Variants in DSCAML1 observed in about 807,000 individuals in gnomAD.
DSCAML1 encodes DS cell adhesion molecule like 1, also known as cell adhesion molecule DSCAML1.
Under a neutral mutation model 200.5 loss-of-function variants are expected in DSCAML1, and 38 were observed. The observed-to-expected ratio is 0.19, with a 90% CI of 0.15 to 0.25. The LOEUF is 0.25. Among genes scored for constraint, DSCAML1 ranks in the 10% least tolerant of loss-of-function variants. The pLI, the probability that DSCAML1 is intolerant of heterozygous loss-of-function variation, is 1.00. For missense variants in DSCAML1, 2,223 were observed against 2,858.8 expected, an observed-to-expected ratio of 0.78 and a Z score of 5.07; for synonymous variants, 1,215 against 1,165.0, an observed-to-expected ratio of 1.04 and a Z score of -0.87.
chr11:117,609,804 CT>C (rs2137528226), intron 3 of DSCAML1, among the ~76,000 whole-genome samples: 1 of 152,122 alleles, frequency 6.6e-6, no homozygotes, highest in East Asian at 1.9e-4. Flanking sequence ...TGTAGTTTGC[CT>C]TTTAGCTTTA....
intron 3 of DSCAML1, among the ~76,000 whole-genome samples, chr11:117,702,898 C>T (rs531256523): frequency 1.3e-5 from 2 of 152,296 alleles, no homozygotes; most frequent in East Asian, 3.9e-4. Context: ...TTAAAGGATT[C>T]TTGTGGCTGA....
chr11:117,755,084 G>A (rs543750366), intron 3 of DSCAML1, among the ~76,000 whole-genome samples: 2 of 152,162 alleles, frequency 1.3e-5, no homozygotes, highest in South Asian at 4.2e-4. Flanking sequence ...TGCCCCCAAG[G>A]CCCCCAGCTC....
At chr11:117,565,928 A>G (rs1413487162) in intron 3 of DSCAML1, among the ~76,000 whole-genome samples, 2 of 152,214 alleles carry the variant, frequency 1.3e-5, no homozygotes, top group African/African-American at 4.8e-5. Context: ...AGATGGGCAG[A>G]TATCTCTTGG....
chr11:117,653,161 G>A (rs2052666220), intron 3 of DSCAML1, among the ~76,000 whole-genome samples: 1 of 152,108 alleles, frequency 6.6e-6, no homozygotes, highest in African/African-American at 2.4e-5. Flanking sequence ...AACAAGGAGA[G>A]TCCTCAGCCA....
At chr11:117,562,025 C>G (rs553712392) in intron 3 of DSCAML1, among the ~76,000 whole-genome samples, 9 of 152,270 alleles carry the variant, frequency 5.9e-5, no homozygotes, top group Admixed American at 2.6e-4. Flanking sequence ...GAAGCAGGGG[C>G]AGGGAGGAGG....
chr11:117,793,868 G>A (rs376592899), intron 1 of DSCAML1, among the ~76,000 whole-genome samples: 133 of 152,218 alleles, frequency 8.7e-4, no homozygotes, highest in African/African-American at 3.1e-3. Flanking sequence ...ACGAAGCGTC[G>A]GAAAGGCTTG....
intron 1 of DSCAML1, among the ~76,000 whole-genome samples, chr11:117,816,886 G>A (rs554365398): frequency 1.3e-4 from 20 of 152,200 alleles, no homozygotes; most frequent in Non-Finnish European, 2.5e-4. Flanking sequence ...ACCCTGGACA[G>A]GAGATCAGCC....
In DSCAML1 at chr11:117,471,961, G is replaced by A; in HGVS notation, c.2861C>T (p.Pro954Leu). The stretch of plus-strand genomic sequence containing the variant: ...CATGCGGATGCTGTACACAGATGCC[G>A]GGTGCAAGTCCACAATGTTGGCCTG... ...INQANIVDLHPASVYSIRMYS... is the reference protein window; with the variant it reads ...INQANIVDLHLASVYSIRMYS... The change falls in exon 15 of 33, where the codon CCG becomes CTG. Residue 954 changes from proline to leucine, a missense_variant. This residue lies in a region of DSCAML1 where 438 missense variants were observed against 629.7 expected (regional missense o/e 0.70). Coordinates refer to ENST00000651296, the MANE Select transcript of DSCAML1 (RefSeq NM_020693.4). 3 of 1,614,122 alleles carry A rather than the reference G, an allele frequency of 1.9e-6. No homozygotes were observed. Among genetic ancestry groups the A allele is most frequent in the Non-Finnish European group, 2.5e-6 (3 of 1,180,004 alleles).
chr11:117,771,857 A>G (rs1190065072), intron 3 of DSCAML1, among the ~76,000 whole-genome samples: 1 of 152,200 alleles, frequency 6.6e-6, no homozygotes, highest in African/African-American at 2.4e-5. Context: ...AGGTCTCCAT[A>G]CAGCATAGGT....
intron 3 of DSCAML1, among the ~76,000 whole-genome samples, chr11:117,565,710 T>C (rs1348641039): frequency 2.0e-5 from 3 of 152,190 alleles, no homozygotes; most frequent in African/African-American, 7.2e-5. Context: ...TTGGTGTTTT[T>C]TTCCCCCTCT....
At position 117,717,451 on chromosome 11, in the gene DSCAML1, T is replaced by C. The variant is rs142258353; in HGVS notation, c.511+59340A>G. Among the ~76,000 whole-genome samples the C allele has an allele frequency of 1.8e-3, 275 of 152,294 alleles. 1 individual carries two copies. The highest frequency in any genetic ancestry group is 6.3e-3 in the African/African-American group (262 of 41,554). The stretch of plus-strand genomic sequence containing the variant: ...CATTTCCTCCACCAGGGACAACAAA[T>C]TGGTTTCATCTCAGGCAGGTTCCAA... On this transcript the variant is annotated intron_variant, in intron 3 of 32. Coordinates refer to ENST00000651296, the MANE Select transcript of DSCAML1 (RefSeq NM_020693.4).
intron 3 of DSCAML1, among the ~76,000 whole-genome samples, chr11:117,650,466 A>C (rs553458169): frequency 2.0e-5 from 3 of 152,176 alleles, no homozygotes; most frequent in Non-Finnish European, 4.4e-5. Flanking sequence ...CGGTTCTCTG[A>C]GAAACTGTCC....
chr11:117,459,405 G>A (rs1038446549), intron 18 of DSCAML1, among the ~76,000 whole-genome samples: 2 of 152,222 alleles, frequency 1.3e-5, no homozygotes, highest in African/African-American at 4.8e-5. Flanking sequence ...GTGACAGGCT[G>A]AGGCTGCCTC....
rs373914008 is a variant in DSCAML1, at chr11:117,756,253, G to A, written c.511+20538C>T. Among the ~76,000 whole-genome samples the A allele has an allele frequency of 2.6e-5, 4 of 152,220 alleles. No homozygotes were observed. In the East Asian group the frequency reaches 5.8e-4, roughly 22 times the overall value. On this transcript the variant is annotated intron_variant, in intron 3 of 32. Transcript: ENST00000651296. ...TGCCCAGTGGACTCTTAGGGGCAGGGATGCCTTTCTGTGTTCCACATTATC... is the reference window on the plus strand; with the variant it reads ...TGCCCAGTGGACTCTTAGGGGCAGGAATGCCTTTCTGTGTTCCACATTATC...
chr11:117,476,295 GA>G (rs2048790387), intron 14 of DSCAML1, among the ~76,000 whole-genome samples: 1 of 152,214 alleles, frequency 6.6e-6, no homozygotes, highest in African/African-American at 2.4e-5. Context: ...GCAGCTTGGA[GA>G]AAAGCCACAT....
At chr11:117,456,995 CA>C (rs2048383979) in intron 19 of DSCAML1, among the ~76,000 whole-genome samples, 1 of 152,278 alleles carries the variant, frequency 6.6e-6, no homozygotes, top group Admixed American at 6.5e-5. Context: ...ATTTCATTGC[CA>C]GCACCTTGGT....
At chr11:117,696,183 G>A (rs1186152058) in intron 3 of DSCAML1, among the ~76,000 whole-genome samples, 1 of 152,226 alleles carries the variant, frequency 6.6e-6, no homozygotes, top group Non-Finnish European at 1.5e-5. Context: ...GGAGCAAGAA[G>A]CTTCGCACGG....
At chr11:117,708,651 T>C (rs989318029) in intron 3 of DSCAML1, among the ~76,000 whole-genome samples, 2 of 152,224 alleles carry the variant, frequency 1.3e-5, no homozygotes, top group Non-Finnish European at 2.9e-5. Flanking sequence ...AAGGCATTCC[T>C]GGTATGTTCA....
chr11:117,547,066 G>C (rs1247670592), intron 3 of DSCAML1, among the ~76,000 whole-genome samples: 1 of 152,088 alleles, frequency 6.6e-6, no homozygotes, highest in Non-Finnish European at 1.5e-5. Context: ...GGAGTGGGGA[G>C]AGGGAGAGGG....
Sources: allele counts gnomAD v4.1 joint callset (sites outside exome capture counted in the v4.1 genomes callset), GRCh38; gene constraint gnomAD v4.1.1; regional missense constraint gnomAD v4.1.1; transcripts MANE v1.5; gene names NCBI Gene and HGNC (gene_info 2026-07-23, HGNC 2026-07-21).